SLC43A3: variants seen among roughly 807,000 people sequenced by gnomAD.
SLC43A3 encodes solute carrier family 43 member 3, also known as equilibrative nucleobase transporter 1.
Under a neutral mutation model 53.3 loss-of-function variants are expected in SLC43A3, and 33 were observed. The observed-to-expected ratio is 0.62, with a 90% CI of 0.47 to 0.83. SLC43A3 has a LOEUF of 0.83. Among genes scored for constraint, SLC43A3 ranks in the 40% least tolerant of loss-of-function variants. SLC43A3 has a pLI of 0.00. For synonymous variants in SLC43A3, 236 were observed against 246.2 expected, an observed-to-expected ratio of 0.96 and a Z score of 0.39; for missense variants, 530 against 610.0, an observed-to-expected ratio of 0.87 and a Z score of 1.38.
chr11:57,415,057 G>T lies in SLC43A3; in HGVS notation c.819C>A (p.Tyr273Ter), dbSNP rs756343234. The stretch of plus-strand genomic sequence containing the variant: ...GCCAGGCAAAGCGCCGAGAGAAAGC[G>T]TAGCTCCAGAAGGAGCGGAGTTCCT... Reference protein sequence around the residue: ...QKQELRSFWSYAFSRRFAWHL... With the variant: ...QKQELRSFWS Residue 273 changes from tyrosine (Y) to a stop codon, truncating the protein, a stop_gained, in exon 10 of 14, where the codon TAC becomes TAA. Coordinates refer to ENST00000395124, the MANE Select transcript of SLC43A3 (RefSeq NM_199329.3). LOFTEE classifies it high-confidence loss of function. 6.2e-7 allele frequency: 1 copy of T among 1,613,992 alleles called. No individual in the cohort carries two copies. The highest frequency in any genetic ancestry group is 8.5e-7 in the Non-Finnish European group (1 of 1,179,978).
chr11:57,409,699 C>T (rs1041893900), intron 12 of SLC43A3, among the ~76,000 whole-genome samples: 81 of 152,198 alleles, frequency 5.3e-4, no homozygotes, highest in African/African-American at 1.9e-3. Context: ...AGGATGAATA[C>T]GAGTTCACCA....
intron 12 of SLC43A3, among the ~76,000 whole-genome samples, chr11:57,409,688 G>C (rs188219104): frequency 1.3e-5 from 2 of 152,350 alleles, no homozygotes; most frequent in East Asian, 1.9e-4. Context: ...GTGGGCCTCA[G>C]AGGATGAATA....
intron 7 of SLC43A3, among the ~76,000 whole-genome samples, chr11:57,419,801 T>TA (rs11417407): frequency 0.53 from 38,010 of 71,146 alleles, 6,109 homozygotes; most frequent in African/African-American, 0.6. Flanking sequence ...AACTCAATAA[T>TA]AAAAAAAAAA....
At chr11:57,417,711 G>C in intron 8 of SLC43A3, 37 bp downstream of exon 8, 1 of 1,612,374 alleles carries the variant, frequency 6.2e-7, no homozygotes, top group Non-Finnish European at 8.5e-7. Flanking sequence ...TAGGGCCAAT[G>C]AGGGGCTCTG....
At chr11:57,407,968 C>T in intron 13 of SLC43A3, 72 bp from the exon 14 acceptor site, 1 of 1,001,668 alleles carries the variant, frequency 1.0e-6, no homozygotes, top group South Asian at 1.4e-5. Context: ...ATGAAGCAAG[C>T]ACTGGTCCAT....
rs1157805290 is a variant in SLC43A3, at chr11:57,407,738, G to A, written c.*54C>T. On this transcript the variant is annotated 3_prime_UTR_variant, in exon 14 of 14. Coordinates refer to ENST00000395124, the MANE Select transcript of SLC43A3 (RefSeq NM_199329.3). ...CTTTTGGGACACGAGGTCCTCAAAG[G>A]TGGTGGAAGATGAACAAAACCATCC... 2.8e-6 allele frequency: 3 copies of A among 1,086,426 alleles called. No homozygotes were observed. Among genetic ancestry groups the A allele is most frequent in the South Asian group, 2.6e-5 (2 of 77,664 alleles). 67.3% of individuals were successfully genotyped at this position (1,086,426 alleles called of 1,614,324 possible).
chr11:57,414,740 G>C lies in SLC43A3; in HGVS notation c.944-9C>G, dbSNP rs1238376995. On this transcript the variant is annotated splice_polypyrimidine_tract_variant and intron_variant, in intron 10 of 13. Coordinates refer to ENST00000395124, the MANE Select transcript of SLC43A3 (RefSeq NM_199329.3). ...ATTTGTGTAGGTGCTGACTGCAGAA[G>C]GAAGAGAGAGGTTGGTTGATGAGAA... The C allele has an allele frequency of 6.2e-7, 1 of 1,607,390 alleles. No individual in the cohort carries two copies. Among genetic ancestry groups the C allele is most frequent in the South Asian group, 1.1e-5 (1 of 90,940 alleles).
chr11:57,408,624 CCTATT>C (rs1340415459), intron 13 of SLC43A3: 5 of 153,532 alleles, frequency 3.3e-5, no homozygotes, highest in Admixed American at 6.4e-5. Context: ...GATTTAAACT[CCTATT>C]CTAAGATTTG....
intron 12 of SLC43A3, 151 bp downstream of exon 12, chr11:57,409,784 T>C: frequency 1.5e-6 from 1 of 672,580 alleles, no homozygotes; most frequent in East Asian, 2.7e-5. Flanking sequence ...TCCCACCACC[T>C]CTGGTCTCAC....
At chr11:57,420,573 T>C (rs370401776) in intron 7 of SLC43A3, among the ~76,000 whole-genome samples, 3 of 152,302 alleles carry the variant, frequency 2.0e-5, no homozygotes, top group African/African-American at 7.2e-5. Context: ...TGTCTGCCCC[T>C]GCTGTACCCA....
In SLC43A3 at chr11:57,411,542, G is replaced by A. The variant is rs978146093; in HGVS notation, c.1061-1421C>T. Among the ~76,000 whole-genome samples, 13 of 150,210 alleles carry A rather than the reference G, an allele frequency of 8.7e-5. No individual in the cohort carries two copies. In the East Asian group the frequency reaches 2.3e-3, roughly 27 times the overall value. On this transcript the variant is annotated intron_variant, in intron 11 of 13. Transcript: ENST00000395124. The stretch of plus-strand genomic sequence containing the variant: ...TAGCCAGACATGGTAGTGCATGCCT[G>A]TAGTCCAAGCTACTTGGGAGGCTGA...
At position 57,424,103 on chromosome 11, in the gene SLC43A3, A is replaced by C. The variant is rs1479838835; in HGVS notation, c.315-75T>G. On this transcript the variant is annotated intron_variant, in intron 4 of 13. Transcript: ENST00000395124. ...TGGGAGAAAAAACATGATTCTGCTC[A>C]GCCAGCCCACAAGTGTAGGACTTGA... 2.1e-6 allele frequency: 3 copies of C among 1,441,784 alleles called. No homozygotes were observed. The African/African-American group carries it at 4.2e-5, about 20-fold the overall frequency. The allele number at this position is 1,441,784 out of a possible 1,614,324, so 89.3% of individuals were successfully genotyped here.
chr11:57,413,780 C>T (rs1410423379), intron 11 of SLC43A3, among the ~76,000 whole-genome samples: 1 of 152,164 alleles, frequency 6.6e-6, no homozygotes, highest in Non-Finnish European at 1.5e-5. Context: ...GCTCTGTGCC[C>T]TAGCCAGCCC....
At position 57,407,743 on chromosome 11, in the gene SLC43A3, G is replaced by A; in HGVS notation, c.*49C>T. On this transcript the variant is annotated 3_prime_UTR_variant, in exon 14 of 14. Coordinates refer to ENST00000395124, the MANE Select transcript of SLC43A3 (RefSeq NM_199329.3). Reference sequence around the variant, plus strand: ...GGGACACGAGGTCCTCAAAGGTGGTGGAAGATGAACAAAACCATCCTCGGG... The same window carrying A: ...GGGACACGAGGTCCTCAAAGGTGGTAGAAGATGAACAAAACCATCCTCGGG... 1 of 1,179,958 alleles carries A rather than the reference G, an allele frequency of 8.5e-7. No homozygotes were observed. Among genetic ancestry groups the A allele is most frequent in the Non-Finnish European group, 1.3e-6 (1 of 788,506 alleles). The allele number at this position is 1,179,958 out of a possible 1,614,324, so 73.1% of individuals were successfully genotyped here.
At chr11:57,424,146 G>C in intron 4 of SLC43A3, 118 bp from the exon 5 acceptor site, 1 of 971,048 alleles carries the variant, frequency 1.0e-6, no homozygotes, top group South Asian at 1.4e-5. Context: ...CTCAGCCTGG[G>C]ATGCAACGGG....
chr11:57,408,818 T>C, intron 13 of SLC43A3: 1 of 219,568 alleles, frequency 4.6e-6, no homozygotes, highest in Non-Finnish European at 9.2e-6. Context: ...CCTCAGAGCA[T>C]CCCTCCAGGT....
chr11:57,414,679 G>C lies in SLC43A3; in HGVS notation c.996C>G (p.Ala332=), dbSNP rs1381619237. ...GGTCCATGAGCAGGCCATTCCAGGG[G>C]GCACACAGCACTCCGAACTGAGTGA... is the stretch of plus-strand genomic sequence containing the variant. The part of the protein sequence containing the change: ...FAFTQFGVLC[A]PWNGLLMDRL... Residue 332 remains alanine (A), a synonymous_variant, in exon 11 of 14, where the codon GCC becomes GCG. Transcript: ENST00000395124. The C allele has an allele frequency of 6.2e-7, 1 of 1,614,034 alleles. No homozygotes were observed. The highest frequency in any genetic ancestry group is 1.1e-5 in the South Asian group (1 of 91,070).
In SLC43A3 at chr11:57,416,618, C is replaced by T. The variant is rs1942736588; in HGVS notation, c.724G>A (p.Glu242Lys). 2 of 1,614,182 alleles carry T rather than the reference C, an allele frequency of 1.2e-6. No individual in the cohort carries two copies. Among genetic ancestry groups the T allele is most frequent in the East Asian group, 4.5e-5 (2 of 44,880 alleles). ...TCCTTTGACTGTAGCTCCCTGTTTT[C>T]ATGCTCAGCTGTTTCCTTCTCTTCC... ...TKEEKETAEHENRELQSKEFL... is the reference protein window; with the variant it reads ...TKEEKETAEHKNRELQSKEFL... The change falls in exon 9 of 14, where the codon GAA becomes AAA. Residue 242 changes from glutamate (E) to lysine (K), a missense_variant. Transcript: ENST00000395124.
Position 57,426,393 on chromosome 11 carries a change from C to A in SLC43A3, c.-180-41G>T, listed in dbSNP as rs747872091. 13 of 560,110 alleles carry A rather than the reference C, an allele frequency of 2.3e-5. No individual in the cohort carries two copies. In the East Asian group the frequency reaches 2.8e-4, roughly 12 times the overall value. The allele number at this position is 560,110 out of a possible 1,614,324, so 34.7% of individuals were successfully genotyped here. A position where few individuals can be genotyped will look rare whatever the true frequency, so the allele number is the denominator to read the frequency against. ...AGAGGCTGCTGGAAGAGGAGGCCTGCGGGAAAGGGAAAGGTAGACTAGAGT... is the reference window on the plus strand; with the variant it reads ...AGAGGCTGCTGGAAGAGGAGGCCTGAGGGAAAGGGAAAGGTAGACTAGAGT... On this transcript the variant is annotated intron_variant, in intron 2 of 13. Transcript: ENST00000395124.
Sources: allele counts gnomAD v4.1 joint callset (sites outside exome capture counted in the v4.1 genomes callset), GRCh38; gene constraint gnomAD v4.1.1; transcripts MANE v1.5; gene names NCBI Gene and HGNC (gene_info 2026-07-23, HGNC 2026-07-21).